INPP4A: variants seen among roughly 807,000 people sequenced by gnomAD.
The protein encoded by INPP4A is inositol polyphosphate-4-phosphatase, type I, 107kD.
INPP4A carries 33 observed loss-of-function variants against 119.8 expected under a neutral mutation model. The ratio of observed to expected loss-of-function variants is 0.28; its 90% CI spans 0.21 to 0.37. The LOEUF (loss-of-function observed/expected upper bound fraction) is 0.37. Among genes scored for constraint, INPP4A ranks in the 10% least tolerant of loss-of-function variants. The pLI, the probability that INPP4A is intolerant of heterozygous loss-of-function variation, is 1.00. For synonymous variants in INPP4A, 496 were observed against 500.7 expected (o/e 0.99, Z 0.12); for missense variants, 956 against 1,289.9 (o/e 0.74, Z 3.97).
At chr2:98,484,713 T>C (rs1324350946) in intron 1 of INPP4A, among the ~76,000 whole-genome samples, 1 of 152,190 alleles carries the variant, frequency 6.6e-6, no homozygotes, top group Non-Finnish European at 1.5e-5. Flanking sequence ...TTATACGTGT[T>C]CTTTTCCTCT....
chr2:98,520,817 G>A, intron 4 of INPP4A, 86 bp downstream of exon 4: 1 of 721,546 alleles, frequency 1.4e-6, no homozygotes, highest in South Asian at 1.8e-5. Context: ...GCATGGGCTT[G>A]TCTCAGAGAG....
chr2:98,539,882 T>G (rs1691073895), intron 10 of INPP4A, among the ~76,000 whole-genome samples: 1 of 152,158 alleles, frequency 6.6e-6, no homozygotes, highest in Non-Finnish European at 1.5e-5. Context: ...CATAAGACAG[T>G]GTATTTGAAC....
In INPP4A at chr2:98,493,373, G is replaced by C. The variant is rs148544037; in HGVS notation, c.-165-25591G>C. Among the ~76,000 whole-genome samples the C allele has an allele frequency of 3.7e-3, 560 of 151,100 alleles. 2 individuals carry two copies. The highest frequency in any genetic ancestry group is 6.1e-3 in the Non-Finnish European group (417 of 67,808). On this transcript the variant is annotated intron_variant, in intron 1 of 24. Coordinates refer to ENST00000409851, the MANE Select transcript of INPP4A (RefSeq NM_001134225.2). ...ATACTAAGTTTTCCTCTTATTTTCA[G>C]CTTATTTACTAATCAGGATATATGT...
chr2:98,498,233 G>T (rs557619727), intron 1 of INPP4A, among the ~76,000 whole-genome samples: 1 of 152,160 alleles, frequency 6.6e-6, no homozygotes, highest in South Asian at 2.1e-4. Flanking sequence ...GACCCTGTGG[G>T]AGATAACTGA....
chr2:98,581,205 G>C (rs1187704727), intron 24 of INPP4A, among the ~76,000 whole-genome samples: 3 of 152,224 alleles, frequency 2.0e-5, no homozygotes, highest in Admixed American at 1.3e-4. Flanking sequence ...TGCAGCATGT[G>C]GGGGCATGGC....
intron 1 of INPP4A, among the ~76,000 whole-genome samples, chr2:98,456,408 C>A (rs902780934): frequency 6.6e-6 from 1 of 152,138 alleles, no homozygotes; most frequent in Non-Finnish European, 1.5e-5. Context: ...GATCATAGCT[C>A]ACTGTAGCCT....
intron 17 of INPP4A, among the ~76,000 whole-genome samples, chr2:98,562,064 C>T (rs898151053): frequency 1.3e-5 from 2 of 152,252 alleles, no homozygotes; most frequent in Non-Finnish European, 2.9e-5. Context: ...GTCACCTCTG[C>T]TCAGCAGTGG....
intron 1 of INPP4A, among the ~76,000 whole-genome samples, chr2:98,502,807 G>A (rs2105403194): frequency 6.6e-6 from 1 of 152,296 alleles, no homozygotes; most frequent in South Asian, 2.1e-4. Flanking sequence ...CTAGCTCAAA[G>A]GCAAAAGATG....
intron 24 of INPP4A, among the ~76,000 whole-genome samples, chr2:98,578,910 G>A (rs1698858727): frequency 6.6e-6 from 1 of 152,220 alleles, no homozygotes. Context: ...GCCTATGGGC[G>A]TGAGTATGTA....
At chr2:98,516,889 A>G (rs1686234996) in intron 1 of INPP4A, among the ~76,000 whole-genome samples, 1 of 152,068 alleles carries the variant, frequency 6.6e-6, no homozygotes, top group African/African-American at 2.4e-5. Context: ...ATGGCTGCAA[A>G]CAGAGCAAAG....
At chr2:98,511,605 A>C (rs1410937919) in intron 1 of INPP4A, among the ~76,000 whole-genome samples, 2 of 152,246 alleles carry the variant, frequency 1.3e-5, no homozygotes, top group East Asian at 1.9e-4. Flanking sequence ...ATGGATGTCT[A>C]TCCTGGAGGG....
intron 1 of INPP4A, among the ~76,000 whole-genome samples, chr2:98,490,299 C>T (rs1024151691): frequency 6.6e-6 from 1 of 151,936 alleles, no homozygotes; most frequent in African/African-American, 2.4e-5. Flanking sequence ...GGTGTCTCAT[C>T]CGGTTTCCTT....
intron 1 of INPP4A, among the ~76,000 whole-genome samples, chr2:98,505,418 G>A (rs947399661): frequency 1.4e-5 from 2 of 142,096 alleles, no homozygotes; most frequent in Middle Eastern, 3.8e-3. Flanking sequence ...TGATGAGCTC[G>A]TTCACTTTCC....
At chr2:98,473,950 A>G (rs1340193131) in intron 1 of INPP4A, among the ~76,000 whole-genome samples, 4 of 152,224 alleles carry the variant, frequency 2.6e-5, no homozygotes, top group Non-Finnish European at 5.9e-5. Context: ...AAAGTGATAT[A>G]TCGAGAAGAA....
rs116819052 is a variant in INPP4A, at chr2:98,522,888, A to T, written c.151+2157A>T. Reference sequence around the variant, plus strand: ...CCTTTAATTATATTTTCAACCCAGAATTCTCTGCCCAACCAGACTATCAGT... The same window carrying T: ...CCTTTAATTATATTTTCAACCCAGATTTCTCTGCCCAACCAGACTATCAGT... On this transcript the variant is annotated intron_variant, in intron 4 of 24. Transcript: ENST00000409851. 5.7e-3 allele frequency among the ~76,000 whole-genome samples: 871 copies of T among 152,354 alleles called. 6 individuals are homozygous for T. The highest frequency in any genetic ancestry group is 0.02 in the African/African-American group (811 of 41,584).
Position 98,502,010 on chromosome 2 carries a change from G to C in INPP4A, c.-165-16954G>C, listed in dbSNP as rs115385108. ...TGACCTCAGTTATCTTCGTACATCA[G>C]TGCCCACCTGCTCCCAGGTACACTG... On this transcript the variant is annotated intron_variant, in intron 1 of 24. Coordinates refer to ENST00000409851, the MANE Select transcript of INPP4A (RefSeq NM_001134225.2). 1.5e-3 allele frequency among the ~76,000 whole-genome samples: 225 copies of C among 152,276 alleles called. 1 individual carries two copies. The highest frequency in any genetic ancestry group is 4.8e-3 in the African/African-American group (200 of 41,540).
At chr2:98,547,503 T>A (rs760551138) in intron 13 of INPP4A, among the ~76,000 whole-genome samples, 1 of 152,166 alleles carries the variant, frequency 6.6e-6, no homozygotes, top group Non-Finnish European at 1.5e-5. Context: ...GCATTGATGA[T>A]CTTCCAGAAC....
At chr2:98,533,262 C>T (rs1373795551) in intron 4 of INPP4A, 115 bp from the exon 5 acceptor site, 10 of 659,510 alleles carry the variant, frequency 1.5e-5, no homozygotes, top group Admixed American at 2.3e-5. Context: ...ATGTGATCGT[C>T]TCATCTCTTT....
rs138850052 is a variant in INPP4A at position 98,447,547 on chromosome 2, AT to A, written c.-166+2474del. On this transcript the variant is annotated intron_variant, in intron 1 of 24. Transcript: ENST00000409851. ...ATTCATATGCACATGTTATTCTCTAATTTTTTTTTTTTAGTATTTTGATATA... is the reference window on the plus strand; with the variant it reads ...ATTCATATGCACATGTTATTCTCTAATTTTTTTTTTTAGTATTTTGATATA... Among the ~76,000 whole-genome samples the A allele has an allele frequency of 7.7e-4, 114 of 147,794 alleles. 1 individual carries two copies. Among genetic ancestry groups the A allele is most frequent in the East Asian group, 3.9e-3 (20 of 5,084 alleles).
Sources: gnomAD v4.1 joint callset for allele counts (sites outside exome capture counted in the v4.1 genomes callset) on GRCh38, gnomAD v4.1.1 for gene constraint, MANE v1.5 for transcripts, NCBI Gene and HGNC (gene_info 2026-07-23, HGNC 2026-07-21) for gene names.